PLA2G4F: variants seen among roughly 807,000 people sequenced by gnomAD.
PLA2G4F encodes the protein cytosolic phospholipase A2 zeta.
In PLA2G4F, 105 loss-of-function variants were observed where a neutral mutation model predicts 103.1. The observed-to-expected ratio is 1.02, with a 90% confidence interval of 0.87 to 1.20. The LOEUF is 1.20. PLA2G4F is among the 50% of genes most tolerant of loss of function. The probability of loss-of-function intolerance (pLI) is 0.00; values close to 1 mark genes in which losing one functional copy is unlikely to be tolerated. For synonymous variants in PLA2G4F, 468 were observed against 441.1 expected (o/e 1.06, Z -0.76); for missense variants, 1,155 against 1,075.9 (o/e 1.07, Z -1.03).
Position 42,147,736 on chromosome 15 carries a change from G to A in PLA2G4F, c.1086C>T (p.Ser362=), listed in dbSNP as rs751489236. The A allele has an allele frequency of 1.6e-5, 26 of 1,612,368 alleles. No homozygotes were observed. The highest frequency in any genetic ancestry group is 3.3e-5 in the Admixed American group (2 of 59,992). The stretch of plus-strand genomic sequence containing the variant: ...AAGACATGGCTCGGGTTCCACCCCC[G>A]GAACCCAACACAGCCACTACAGGCA... ...GQVPVVAVLG[S]GGGTRAMSSL... is the part of the protein sequence containing the mutation. Residue 362 remains serine, a synonymous_variant, in exon 12 of 20, where the codon TCC becomes TCT. Coordinates refer to ENST00000397272, the MANE Select transcript of PLA2G4F (RefSeq NM_213600.4).
chr15:42,148,478 C>T (rs2048917196), intron 11 of PLA2G4F: 1 of 379,166 alleles, frequency 2.6e-6, no homozygotes, highest in Admixed American at 6.4e-5. Context: ...TGTTTAGCAG[C>T]ATTTCTGGCC....
At chr15:42,149,264 C>A (rs1439369711) in intron 11 of PLA2G4F, 8 of 759,906 alleles carry the variant, frequency 1.1e-5, no homozygotes, top group Non-Finnish European at 1.3e-5. Context: ...AAGGGTAGGG[C>A]CTTCAACTGA....
chr15:42,153,449 G>A, intron 5 of PLA2G4F, 107 bp from the exon 6 acceptor site: 1 of 1,506,788 alleles, frequency 6.6e-7, no homozygotes, highest in East Asian at 2.3e-5. Context: ...AACACAGCAG[G>A]GTTTGGAGTG....
At chr15:42,147,588 G>A (rs746497594) in intron 12 of PLA2G4F, 38 bp downstream of exon 12, 2 of 1,603,992 alleles carry the variant, frequency 1.2e-6, no homozygotes, top group African/African-American at 1.3e-5. Context: ...ACTTTGTGGG[G>A]TCTCCTTTAC....
chr15:42,142,902 C>T (rs780861157), intron 18 of PLA2G4F, among the ~76,000 whole-genome samples, 188 bp from the exon 19 acceptor site: 4 of 151,990 alleles, frequency 2.6e-5, no homozygotes, highest in Admixed American at 6.5e-5. Context: ...AACTTCCGGC[C>T]GGGCATGGTG....
At position 42,150,670 on chromosome 15, in the gene PLA2G4F, C is replaced by T. The variant is rs143147902; in HGVS notation, c.709G>A (p.Val237Met). 53 of 1,613,830 alleles carry T rather than the reference C, an allele frequency of 3.3e-5. No individual in the cohort carries two copies. In the African/African-American group the frequency reaches 3.3e-4, roughly 10 times the overall value. ...PGLPPTFTFH[V>M]NPVLSSRLHV... ...AGCCTGGAGCTCAGCACTGGGTTCA[C>T]GTGGAAGGTAAAGGTGGGTGGGAGG... Residue 237 changes from valine (V) to methionine (M), a missense_variant, in exon 8 of 20, where the codon GTG (valine) becomes ATG (methionine). Around this residue, in one of 3 missense-constraint regions of PLA2G4F, gnomAD observed 370 missense variants for 364.9 expected, o/e 1.01. Coordinates refer to ENST00000397272, the MANE Select transcript of PLA2G4F (RefSeq NM_213600.4).
intron 9 of PLA2G4F, 97 bp downstream of exon 9, chr15:42,150,276 C>T: frequency 6.5e-7 from 1 of 1,528,476 alleles, no homozygotes; most frequent in Non-Finnish European, 8.9e-7. Context: ...TCTGGACTGA[C>T]CTGATCCAGC....
In PLA2G4F at chr15:42,153,612, G is replaced by A; in HGVS notation, c.491+8C>T. 1 of 1,614,206 alleles carries A rather than the reference G, an allele frequency of 6.2e-7. No homozygotes were observed. Among genetic ancestry groups the A allele is most frequent in the South Asian group, 1.1e-5 (1 of 91,078 alleles). On this transcript the variant is annotated splice_region_variant and intron_variant, in intron 5 of 19. Coordinates refer to ENST00000397272, the MANE Select transcript of PLA2G4F (RefSeq NM_213600.4). ...GTCTCTGAGGGCGTTGGCTCTACCAGAACTCACCTCTTCTCCAGAACAAAT... is the reference window on the plus strand; with the variant it reads ...GTCTCTGAGGGCGTTGGCTCTACCAAAACTCACCTCTTCTCCAGAACAAAT...
rs1045448785 is a variant in PLA2G4F at position 42,147,553 on chromosome 15, T to A, written c.1196+73A>T. 5 of 1,556,226 alleles carry A rather than the reference T, an allele frequency of 3.2e-6. No homozygotes were observed. In the African/African-American group the frequency reaches 6.8e-5, roughly 21 times the overall value. The stretch of plus-strand genomic sequence containing the variant: ...GGATCCCAGCCCCTCAGGGACTCCT[T>A]AAGATCACCAGGTCACAACCCCACA... On this transcript the variant is annotated intron_variant, in intron 12 of 19. Transcript: ENST00000397272.
At chr15:42,145,102 C>T (rs1221999042) in intron 16 of PLA2G4F, among the ~76,000 whole-genome samples, 7 of 152,234 alleles carry the variant, frequency 4.6e-5, no homozygotes, top group East Asian at 1.9e-4. Context: ...GGGGTAAGGA[C>T]GACGACAGGG....
At position 42,149,842 on chromosome 15, in the gene PLA2G4F, C is replaced by A; in HGVS notation, c.930G>T (p.Gly310=). ...ALSMKVEMSS[G]DLDLRLGFDL... ...CAAAGCCAAGGCGTAGGTCTAGGTC[C>A]CCGGAGCTGCCTCAAGTAGGGTGGG... The change falls in exon 11 of 20, where the codon GGG becomes GGT. Residue 310 remains glycine (G), a synonymous_variant. Coordinates refer to ENST00000397272, the MANE Select transcript of PLA2G4F (RefSeq NM_213600.4). 1 of 1,614,146 alleles carries A rather than the reference C, an allele frequency of 6.2e-7. No homozygotes were observed. Among genetic ancestry groups the A allele is most frequent in the Non-Finnish European group, 8.5e-7 (1 of 1,180,016 alleles).
At chr15:42,153,203 G>T in intron 6 of PLA2G4F, 97 bp downstream of exon 6, 2 of 1,367,840 alleles carry the variant, frequency 1.5e-6, no homozygotes, top group Non-Finnish European at 2.0e-6. Flanking sequence ...GGAGGGCTTG[G>T]GTGTCCTTCA....
chr15:42,150,908 G>GCT (rs1315711069), intron 7 of PLA2G4F, 131 bp from the exon 8 acceptor site: 3 of 1,468,844 alleles, frequency 2.0e-6, no homozygotes, highest in Non-Finnish European at 2.7e-6. Context: ...CTTATCGCCC[G>GCT]CTCTCTCTTG....
intron 7 of PLA2G4F, chr15:42,151,497 G>A: frequency 1.0e-6 from 1 of 985,296 alleles, no homozygotes; most frequent in Non-Finnish European, 1.2e-6. Context: ...GCCGCAGACA[G>A]CCTCCCAGGA....
At position 42,155,914 on chromosome 15, in the gene PLA2G4F, G is replaced by C. The variant is rs1464550596; in HGVS notation, c.112-325C>G. Among the ~76,000 whole-genome samples, 3 of 152,174 alleles carry C rather than the reference G, an allele frequency of 2.0e-5. 1 individual carries two copies. The highest frequency in any genetic ancestry group is 4.4e-5 in the Non-Finnish European group (3 of 68,026). ...CACTCTAGCTTGGGAGCAGCTGTGA[G>C]AGCTGTGCTAATGTTGTGCTTGAGA... is the stretch of plus-strand genomic sequence containing the variant. On this transcript the variant is annotated intron_variant, in intron 1 of 19. Coordinates refer to ENST00000397272, the MANE Select transcript of PLA2G4F (RefSeq NM_213600.4).
Position 42,146,961 on chromosome 15 carries a change from T to TCCCCA in PLA2G4F, c.1419+162_1419+163insTGGGG. ...GGGGTTAGGAGCTAGGGAGGCAAAA[T>TCCCCA]GGTACCAGCCCACCCTGGAGTCACA... is the stretch of plus-strand genomic sequence containing the variant. On this transcript the variant is annotated intron_variant, in intron 13 of 19. Coordinates refer to ENST00000397272, the MANE Select transcript of PLA2G4F (RefSeq NM_213600.4). 13 of 679,560 alleles carry TCCCCA rather than the reference T, an allele frequency of 1.9e-5. No individual in the cohort carries two copies. The South Asian group carries it at 2.5e-4, about 13-fold the overall frequency. 42.1% of individuals were successfully genotyped at this position (679,560 alleles called of 1,614,324 possible).
In PLA2G4F at chr15:42,145,751, C is replaced by G. The variant is rs1306381983; in HGVS notation, c.1672+15G>C. On this transcript the variant is annotated intron_variant, in intron 15 of 19. Coordinates refer to ENST00000397272, the MANE Select transcript of PLA2G4F (RefSeq NM_213600.4). The stretch of plus-strand genomic sequence containing the variant: ...CCGGCACCTGCCTGTCCCCAGCCCT[C>G]CAGCCTCGACTCACCTTGCAGGTAA... The G allele has an allele frequency of 2.4e-5, 38 of 1,614,018 alleles. No homozygotes were observed. The highest frequency in any genetic ancestry group is 3.1e-5 in the Non-Finnish European group (37 of 1,179,990).
Position 42,153,920 on chromosome 15 carries a change from T to G in PLA2G4F, c.450+172A>C, listed in dbSNP as rs558204804. Among the ~76,000 whole-genome samples, 19 of 152,358 alleles carry G rather than the reference T, an allele frequency of 1.2e-4. No homozygotes were observed. The South Asian group carries it at 3.9e-3, about 32-fold the overall frequency. ...GCCCTCAAGGAGCTCATATTTTGGT[T>G]TCATGCAAGGAAGATGTATTAGAGG... On this transcript the variant is annotated intron_variant, in intron 4 of 19. Transcript: ENST00000397272.
intron 1 of PLA2G4F, 142 bp downstream of exon 1, chr15:42,156,297 A>T: frequency 3.3e-6 from 2 of 613,198 alleles, no homozygotes; most frequent in Non-Finnish European, 5.7e-6. Context: ...GGTCTAATTT[A>T]AGCTCTGCCA....
Sources: allele counts gnomAD v4.1 joint callset (sites outside exome capture counted in the v4.1 genomes callset), GRCh38; gene constraint gnomAD v4.1.1; regional missense constraint gnomAD v4.1.1; transcripts MANE v1.5; gene names NCBI Gene and HGNC (gene_info 2026-07-23, HGNC 2026-07-21).